MEOX2: variants seen among roughly 807,000 people sequenced by gnomAD.
The protein encoded by MEOX2 is mesenchyme homeobox 2.
In MEOX2, 11 loss-of-function variants were observed where a neutral mutation model predicts 27.0. The ratio of observed to expected loss-of-function variants is 0.41; its 90% CI spans 0.26 to 0.68. The LOEUF (loss-of-function observed/expected upper bound fraction) is 0.68, where lower values mean the gene tolerates loss of function less well. MEOX2 is among the 30% of genes least tolerant of loss of function. The pLI is 0.33. For synonymous variants in MEOX2, 189 were observed against 155.4 expected, an observed-to-expected ratio of 1.22 and a Z score of -1.61; for missense variants, 436 against 385.4, an observed-to-expected ratio of 1.13 and a Z score of -1.10.
chr7:15,631,964 C>T (rs1781412254), intron 1 of MEOX2, among the ~76,000 whole-genome samples: 1 of 90,708 alleles, frequency 1.1e-5, no homozygotes, highest in African/African-American at 4.1e-5. Flanking sequence ...GAGAAAATAG[C>T]ACAAGATTAT....
intron 2 of MEOX2, among the ~76,000 whole-genome samples, chr7:15,618,155 C>G (rs1781151891): frequency 6.6e-6 from 1 of 151,926 alleles, no homozygotes; most frequent in Non-Finnish European, 1.5e-5. Flanking sequence ...TTCCTTTATA[C>G]CTGGTAAAAT....
chr7:15,644,257 T>G (rs1781608746), intron 1 of MEOX2, among the ~76,000 whole-genome samples: 1 of 152,092 alleles, frequency 6.6e-6, no homozygotes, highest in Non-Finnish European at 1.5e-5. Context: ...TGCCTCTATA[T>G]GTTCTCCATT....
chr7:15,682,563 T>G (rs1166156291), intron 1 of MEOX2, among the ~76,000 whole-genome samples: 1 of 151,920 alleles, frequency 6.6e-6, no homozygotes, highest in African/African-American at 2.4e-5. Flanking sequence ...TAATTTCTAT[T>G]TTTTATAAAA....
intron 1 of MEOX2, among the ~76,000 whole-genome samples, chr7:15,663,173 A>G (rs1056990306): frequency 1.3e-5 from 2 of 152,214 alleles, no homozygotes; most frequent in African/African-American, 2.4e-5. Flanking sequence ...GCCACAAATA[A>G]CATTTTATTT....
chr7:15,653,067 G>GT (rs765896896), intron 1 of MEOX2, among the ~76,000 whole-genome samples: 21 of 152,208 alleles, frequency 1.4e-4, no homozygotes, highest in Non-Finnish European at 3.1e-4. Context: ...TTTTTCCAGA[G>GT]TGGCTGGGCC....
In MEOX2 at chr7:15,612,410, T is replaced by C. The variant is rs763851326; in HGVS notation, c.892A>G (p.Ser298Gly). 1 of 1,614,048 alleles carries C rather than the reference T, an allele frequency of 6.2e-7. No homozygotes were observed. Among genetic ancestry groups the C allele is most frequent in the Admixed American group, 1.7e-5 (1 of 60,022 alleles). ...ANEDSHDSDH[S>G]SEHAHL ...TATCATAAGTGCGCATGCTCTGAGC[T>C]GTGGTCACTGTCGTGACTGTCTTCA... is the stretch of plus-strand genomic sequence containing the variant. The change falls in exon 3 of 3, where the codon AGC becomes GGC. Residue 298 changes from serine to glycine, a missense_variant. Coordinates refer to ENST00000262041, the MANE Select transcript of MEOX2 (RefSeq NM_005924.5).
intron 1 of MEOX2, chr7:15,681,813 A>C (rs2115398293): frequency 6.6e-6 from 1 of 151,888 alleles, no homozygotes; most frequent in African/African-American, 2.4e-5. Context: ...TGGATTTCTA[A>C]GCCCGGTGAA....
intron 1 of MEOX2, among the ~76,000 whole-genome samples, chr7:15,650,947 G>T (rs2115376930): frequency 6.6e-6 from 1 of 152,066 alleles, no homozygotes; most frequent in East Asian, 1.9e-4. Context: ...AAAGAGAAAT[G>T]AGGGCAGATT....
intron 1 of MEOX2, among the ~76,000 whole-genome samples, chr7:15,656,520 C>A (rs745616015): frequency 2.0e-5 from 3 of 150,000 alleles, no homozygotes; most frequent in Admixed American, 6.6e-5. Context: ...GAGTGTATCT[C>A]TTTGATGTTG....
At chr7:15,629,930 C>T (rs1781375543) in intron 1 of MEOX2, among the ~76,000 whole-genome samples, 2 of 151,950 alleles carry the variant, frequency 1.3e-5, no homozygotes, top group African/African-American at 4.8e-5. Flanking sequence ...CCCAGCTGTT[C>T]TAAGTGAGGC....
chr7:15,620,753 A>T (rs765956218), intron 2 of MEOX2, among the ~76,000 whole-genome samples: 5 of 152,202 alleles, frequency 3.3e-5, no homozygotes, highest in Non-Finnish European at 5.9e-5. Context: ...ATTTCCACCA[A>T]TGGAGTATGA....
intron 1 of MEOX2, among the ~76,000 whole-genome samples, chr7:15,634,072 G>A (rs1331036606): frequency 2.0e-5 from 3 of 151,774 alleles, no homozygotes; most frequent in African/African-American, 4.8e-5. Flanking sequence ...TATTTATAAC[G>A]ATATCTCCAA....
At chr7:15,632,104 C>A (rs1429953247) in intron 1 of MEOX2, among the ~76,000 whole-genome samples, 1 of 151,736 alleles carries the variant, frequency 6.6e-6, no homozygotes, top group Non-Finnish European at 1.5e-5. Context: ...TAGATGTAGA[C>A]GTTTCCTTGA....
At chr7:15,639,878 T>A (rs1781533785) in intron 1 of MEOX2, among the ~76,000 whole-genome samples, 1 of 152,296 alleles carries the variant, frequency 6.6e-6, no homozygotes, top group Non-Finnish European at 1.5e-5. Context: ...TAGTACCCTT[T>A]GAAGTCAGGT....
chr7:15,622,104 G>A (rs750981574), intron 2 of MEOX2, among the ~76,000 whole-genome samples: 28 of 152,218 alleles, frequency 1.8e-4, no homozygotes, highest in South Asian at 1.0e-3. Context: ...GTGACAGAGC[G>A]AGACTCTGTC....
At chr7:15,629,309 T>A (rs1212717520) in intron 1 of MEOX2, among the ~76,000 whole-genome samples, 3 of 152,114 alleles carry the variant, frequency 2.0e-5, no homozygotes, top group Non-Finnish European at 4.4e-5. Context: ...GTAATGGGTC[T>A]ATATACACAC....
chr7:15,683,713 G>A (rs1782329324), intron 1 of MEOX2, among the ~76,000 whole-genome samples: 2 of 152,072 alleles, frequency 1.3e-5, no homozygotes, highest in African/African-American at 4.8e-5. Flanking sequence ...AGTGTACATA[G>A]ATTTAAACAG....
rs2237492 is a variant in MEOX2 at position 15,612,276 on chromosome 7, A to C, written c.*111T>G. On this transcript the variant is annotated 3_prime_UTR_variant, in exon 3 of 3. Coordinates refer to ENST00000262041, the MANE Select transcript of MEOX2 (RefSeq NM_005924.5). Reference sequence around the variant, plus strand: ...AAACAGATTCGAAATGCCTGGATTTAATAATATTAAACATCACTGCCATAG... The same window carrying C: ...AAACAGATTCGAAATGCCTGGATTTCATAATATTAAACATCACTGCCATAG... 6.0e-4 allele frequency: 518 copies of C among 867,204 alleles called. No individual in the cohort carries two copies. Among genetic ancestry groups the C allele is most frequent in the Admixed American group, 2.5e-3 (107 of 43,532 alleles). 53.7% of individuals were successfully genotyped at this position (867,204 alleles called of 1,614,324 possible).
intron 1 of MEOX2, among the ~76,000 whole-genome samples, chr7:15,657,094 T>C (rs1210674889): frequency 2.0e-5 from 3 of 152,216 alleles, no homozygotes; most frequent in Non-Finnish European, 2.9e-5. Context: ...TTGTTTCTCT[T>C]TCACTGATTT....
Sources: allele counts gnomAD v4.1 joint callset (sites outside exome capture counted in the v4.1 genomes callset), GRCh38; gene constraint gnomAD v4.1.1; transcripts MANE v1.5; gene names NCBI Gene and HGNC (gene_info 2026-07-23, HGNC 2026-07-21).